Variants in LHX3 observed in about 807,000 individuals in gnomAD.
The protein encoded by LHX3 is LIM homeobox 3.
LHX3 carries 21 observed loss-of-function variants against 32.4 expected under a neutral mutation model. The ratio of observed to expected loss-of-function variants is 0.65; its 90% CI spans 0.46 to 0.93. LHX3 has a LOEUF of 0.93. Ranked by LOEUF, LHX3 falls within the 40% of genes least tolerant of loss-of-function variation. The probability of loss-of-function intolerance (pLI) is 0.00; values close to 1 mark genes in which losing one functional copy is unlikely to be tolerated. For missense variants in LHX3, 626 were observed against 560.0 expected, an observed-to-expected ratio of 1.12 and a Z score of -1.19; for synonymous variants, 258 against 246.8, an observed-to-expected ratio of 1.05 and a Z score of -0.43.
In LHX3 at chr9:136,200,576, G is replaced by A. The variant is rs758278365; in HGVS notation, c.251+6C>T. 5.0e-6 allele frequency: 8 copies of A among 1,612,960 alleles called. No homozygotes were observed. Among genetic ancestry groups the A allele is most frequent in the Non-Finnish European group, 6.8e-6 (8 of 1,179,906 alleles). ...TCCCACACTGAGGTGAGGTTTCGGG[G>A]CTCACTTGAAAAAGTCGTCCTTGCA... is the stretch of plus-strand genomic sequence containing the variant. On this transcript the variant is annotated splice_donor_region_variant and intron_variant, in intron 2 of 5. Transcript: ENST00000371748.
chr9:136,199,235 C>A (rs957821269), intron 3 of LHX3, among the ~76,000 whole-genome samples, 176 bp from the exon 4 acceptor site: 1 of 152,184 alleles, frequency 6.6e-6, no homozygotes, highest in Non-Finnish European at 1.5e-5. Flanking sequence ...ACGGGCAGCA[C>A]CCGGGCTGGG....
Position 136,199,899 on chromosome 9 carries a change from C to G in LHX3, c.252-19G>C, listed in dbSNP as rs771668008. On this transcript the variant is annotated intron_variant, in intron 2 of 5. Transcript: ENST00000371748. ...GAAGCGCCTGCGGGACGCACAGGGCCGGGCTCAGCGCGGAAGCGCGAGGCT... is the reference window on the plus strand; with the variant it reads ...GAAGCGCCTGCGGGACGCACAGGGCGGGGCTCAGCGCGGAAGCGCGAGGCT... 8.9e-6 allele frequency: 14 copies of G among 1,566,080 alleles called. No homozygotes were observed. The highest frequency in any genetic ancestry group is 1.2e-5 in the Non-Finnish European group (14 of 1,156,868).
Position 136,199,887 on chromosome 9 carries a change from G to A in LHX3, c.252-7C>T. The A allele has an allele frequency of 4.4e-6, 7 of 1,578,546 alleles. No homozygotes were observed. The highest frequency in any genetic ancestry group is 6.0e-6 in the Non-Finnish European group (7 of 1,162,922). ...GCACTTGGTCCCGAAGCGCCTGCGGGACGCACAGGGCCGGGCTCAGCGCGG... is the reference window on the plus strand; with the variant it reads ...GCACTTGGTCCCGAAGCGCCTGCGGAACGCACAGGGCCGGGCTCAGCGCGG... On this transcript the variant is annotated splice_region_variant and splice_polypyrimidine_tract_variant and intron_variant, in intron 2 of 5. Coordinates refer to ENST00000371748, the MANE Select transcript of LHX3 (RefSeq NM_178138.6).
rs1831564236 is a variant in LHX3, at chr9:136,198,904, T to C, written c.606+4A>G. The C allele has an allele frequency of 1.9e-6, 3 of 1,588,028 alleles. No individual in the cohort carries two copies. Reference sequence around the variant, plus strand: ...GCGGGAGGGAAGCAGGGGCGAGCGCTGACCTGCACCACGCGCATGTCCAGG... The same window carrying C: ...GCGGGAGGGAAGCAGGGGCGAGCGCCGACCTGCACCACGCGCATGTCCAGG... On this transcript the variant is annotated splice_donor_region_variant and intron_variant, in intron 4 of 5. Transcript: ENST00000371748.
At position 136,199,719 on chromosome 9, in the gene LHX3, C is replaced by G; in HGVS notation, c.413G>C (p.Arg138Pro). 6.2e-7 allele frequency: 1 copy of G among 1,612,952 alleles called. No individual in the cohort carries two copies. Among genetic ancestry groups the G allele is most frequent in the East Asian group, 2.2e-5 (1 of 44,862 alleles). Residue 138 changes from arginine to proline, a missense_variant, in exon 3 of 6, where the codon CGG becomes CCG. Coordinates refer to ENST00000371748, the MANE Select transcript of LHX3 (RefSeq NM_178138.6). ...GDEFYLMEDS[R>P]LVCKADYETA... Reference sequence around the variant, plus strand: ...TTCGTAGTCCGCCTTGCACACGAGCCGGCTGTCCTCCATGAGGTAGAACTC... The same window carrying G: ...TTCGTAGTCCGCCTTGCACACGAGCGGGCTGTCCTCCATGAGGTAGAACTC...
intron 1 of LHX3, among the ~76,000 whole-genome samples, chr9:136,202,205 A>G (rs969784033): frequency 3.3e-5 from 5 of 151,964 alleles, no homozygotes; most frequent in Admixed American, 3.3e-4. Context: ...ACCGTCGAAA[A>G]ATAAATAAAT....
In LHX3 at chr9:136,197,789, G is replaced by A. The variant is rs537163695; in HGVS notation, c.776-46C>T. ...CAGTCAGCGCCTGCCCTCCACCTGC[G>A]GCCCCTCAGAGTCCCATCCTGCAGG... On this transcript the variant is annotated intron_variant, in intron 5 of 5. Transcript: ENST00000371748. 29 of 1,590,068 alleles carry A rather than the reference G, an allele frequency of 1.8e-5. No individual in the cohort carries two copies. In the South Asian group the frequency reaches 2.8e-4, roughly 15 times the overall value.
intron 5 of LHX3, 36 bp downstream of exon 5, chr9:136,198,616 T>C: frequency 6.6e-7 from 1 of 1,520,396 alleles, no homozygotes; most frequent in Non-Finnish European, 8.8e-7. Flanking sequence ...CGACGCGCGC[T>C]CGTCCCCCCC....
At position 136,199,035 on chromosome 9, in the gene LHX3, G is replaced by C; in HGVS notation, c.479C>G (p.Pro160Arg). ...QREAEATAKRPRTTITAKQLE... is the reference protein window; with the variant it reads ...QREAEATAKRRRTTITAKQLE... Reference sequence around the variant, plus strand: ...CTGCTTGGCGGTGATGGTCGTGCGCGGCCGCTTGGCCGTGGCCTCGGCCTC... The same window carrying C: ...CTGCTTGGCGGTGATGGTCGTGCGCCGCCGCTTGGCCGTGGCCTCGGCCTC... Residue 160 changes from proline to arginine, a missense_variant, in exon 4 of 6, where the codon CCG (proline) becomes CGG (arginine). Coordinates refer to ENST00000371748, the MANE Select transcript of LHX3 (RefSeq NM_178138.6). The C allele has an allele frequency of 6.3e-7, 1 of 1,576,584 alleles. No individual in the cohort carries two copies. Among genetic ancestry groups the C allele is most frequent in the East Asian group, 2.4e-5 (1 of 41,498 alleles).
At chr9:136,204,875 C>A (rs371632929) in intron 1 of LHX3, 59 bp downstream of exon 1, 17 of 1,423,828 alleles carry the variant, frequency 1.2e-5, no homozygotes, top group Non-Finnish European at 1.4e-5. Context: ...CACGCACCCC[C>A]TTCCTCGCGC....
intron 3 of LHX3, among the ~76,000 whole-genome samples, chr9:136,199,381 C>T (rs1018652997): frequency 5.7e-4 from 87 of 152,346 alleles, no homozygotes; most frequent in Non-Finnish European, 1.1e-3. Context: ...CCCGCGGGCT[C>T]CCCTTTATTC....
intron 1 of LHX3, among the ~76,000 whole-genome samples, chr9:136,202,517 G>A (rs1388785363): frequency 1.3e-5 from 2 of 152,190 alleles, no homozygotes; most frequent in African/African-American, 4.8e-5. Flanking sequence ...GGAGACCGAC[G>A]GTCGGAGTTC....
Position 136,199,778 on chromosome 9 carries a change from G to A in LHX3, c.354C>T (p.Cys118=). 1.2e-6 allele frequency: 2 copies of A among 1,612,824 alleles called. No homozygotes were observed. The highest frequency in any genetic ancestry group is 1.7e-6 in the Non-Finnish European group (2 of 1,179,844). ...TGGCCAGCTGCCGCTTGCACACGAC[G>A]CAGGCAAAGCAGTGCAGGTGGTACA... is the stretch of plus-strand genomic sequence containing the variant. The part of the protein sequence containing the change: ...DFVYHLHCFA[C]VVCKRQLATG... Residue 118 remains cysteine (C), a synonymous_variant, in exon 3 of 6, where the codon TGC becomes TGT. Coordinates refer to ENST00000371748, the MANE Select transcript of LHX3 (RefSeq NM_178138.6).
chr9:136,196,423 G>T lies in LHX3; in HGVS notation c.*902C>A, dbSNP rs982921231. ...GTGTCTGGGGCACGCACAGCTGCGGGCATCTCCCAGAAACTTCTTCCCAAA... is the reference window on the plus strand; with the variant it reads ...GTGTCTGGGGCACGCACAGCTGCGGTCATCTCCCAGAAACTTCTTCCCAAA... On this transcript the variant is annotated 3_prime_UTR_variant, in exon 6 of 6. Coordinates refer to ENST00000371748, the MANE Select transcript of LHX3 (RefSeq NM_178138.6). 3.3e-5 allele frequency: 5 copies of T among 152,518 alleles called. No homozygotes were observed. Among genetic ancestry groups the T allele is most frequent in the African/African-American group, 1.2e-4 (5 of 41,474 alleles). The allele number at this position is 152,518 out of a possible 1,614,324, so 9.4% of individuals were successfully genotyped here. A position where few individuals can be genotyped will look rare whatever the true frequency, so the allele number is the denominator to read the frequency against.
rs1158716884 is a variant in LHX3 at position 136,198,634 on chromosome 9, C to T, written c.775+18G>A. ...CGCGCGCTCGTCCCCCCCCGAGCTC[C>T]GCGATCCCTCCGCCTACCGGGGAAG... On this transcript the variant is annotated intron_variant, in intron 5 of 5. Transcript: ENST00000371748. The T allele has an allele frequency of 6.4e-7, 1 of 1,563,386 alleles. No homozygotes were observed. The highest frequency in any genetic ancestry group is 8.6e-7 in the Non-Finnish European group (1 of 1,158,360).
chr9:136,199,628 C>A (rs1205944741), intron 3 of LHX3, 50 bp downstream of exon 3: 1 of 1,595,880 alleles, frequency 6.3e-7, no homozygotes, highest in South Asian at 1.1e-5. Flanking sequence ...TGGCCTCAGC[C>A]CCATTTTTTT....
At position 136,199,900 on chromosome 9, in the gene LHX3, G is replaced by A. The variant is rs1267379397; in HGVS notation, c.252-20C>T. 1.3e-6 allele frequency: 2 copies of A among 1,566,156 alleles called. No individual in the cohort carries two copies. The highest frequency in any genetic ancestry group is 1.4e-5 in the African/African-American group (1 of 73,730). On this transcript the variant is annotated intron_variant, in intron 2 of 5. Transcript: ENST00000371748. ...AAGCGCCTGCGGGACGCACAGGGCCGGGCTCAGCGCGGAAGCGCGAGGCTC... is the reference window on the plus strand; with the variant it reads ...AAGCGCCTGCGGGACGCACAGGGCCAGGCTCAGCGCGGAAGCGCGAGGCTC...
At chr9:136,202,931 G>A (rs1466299925) in intron 1 of LHX3, 1 of 1,532,088 alleles carries the variant, frequency 6.5e-7, no homozygotes, top group Non-Finnish European at 8.7e-7. Flanking sequence ...GCAGCCACTC[G>A]GCCCGGGCAC....
At position 136,197,424 on chromosome 9, in the gene LHX3, TC is replaced by T; in HGVS notation, c.1094del (p.Gly365AspfsTer28). 2.5e-6 allele frequency: 4 copies of T among 1,601,956 alleles called. No individual in the cohort carries two copies. Among genetic ancestry groups the T allele is most frequent in the Non-Finnish European group, 3.4e-6 (4 of 1,175,536 alleles). ...TCCCCGTGGATAGGTCAGAACTGGG[TC>T]CGTTCCCTGCCAGCACCCTCATGGG... ...PPPMRVLAGN[G>X]PSSDLSTGSS... is the part of the protein sequence containing the mutation. On this transcript the variant is annotated frameshift_variant, in exon 6 of 6. Transcript: ENST00000371748. LOFTEE classifies it high-confidence loss of function.
Sources: gnomAD v4.1 joint callset for allele counts (sites outside exome capture counted in the v4.1 genomes callset) on GRCh38, gnomAD v4.1.1 for gene constraint, MANE v1.5 for transcripts, NCBI Gene and HGNC (gene_info 2026-07-23, HGNC 2026-07-21) for gene names.